WASHC3: variants seen among roughly 807,000 people sequenced by gnomAD.
The protein encoded by WASHC3 is WASH complex subunit 3, also known as WASH complex subunit CCDC53.
In WASHC3, 24 loss-of-function variants were observed where a neutral mutation model predicts 26.1. That is an observed-to-expected ratio of 0.92 (90% CI 0.66 to 1.29). The LOEUF is 1.29. Ranked by LOEUF, WASHC3 falls within the 50% of genes most tolerant of loss-of-function variation. WASHC3 has a pLI of 0.00. For synonymous variants in WASHC3, 77 were observed against 75.7 expected, an observed-to-expected ratio of 1.02 and a Z score of -0.09; for missense variants, 214 against 229.6, an observed-to-expected ratio of 0.93 and a Z score of 0.44.
intron 2 of WASHC3, among the ~76,000 whole-genome samples, chr12:102,049,558 G>GT (rs1172081499): frequency 6.7e-6 from 1 of 149,992 alleles, no homozygotes; most frequent in East Asian, 1.9e-4. Flanking sequence ...ATTTTATAAA[G>GT]TTAAAAAAAA....
chr12:102,043,637 A>T (rs762322815), intron 4 of WASHC3: 1 of 152,394 alleles, frequency 6.6e-6, no homozygotes, highest in Non-Finnish European at 1.5e-5. Context: ...AGAAAATGTC[A>T]AAACTTTTCA....
intron 2 of WASHC3, among the ~76,000 whole-genome samples, chr12:102,046,515 G>C (rs1348198349): frequency 6.6e-6 from 1 of 152,166 alleles, no homozygotes; most frequent in African/African-American, 2.4e-5. Flanking sequence ...GGATGGTCTT[G>C]ATCTCTTGAC....
chr12:102,061,255 C>G lies in WASHC3; in HGVS notation c.143G>C (p.Cys48Ser). 6.2e-7 allele frequency: 1 copy of G among 1,612,908 alleles called. No homozygotes were observed. Among genetic ancestry groups the G allele is most frequent in the Non-Finnish European group, 8.5e-7 (1 of 1,178,930 alleles). ...VQFLNRFSTV[C>S]EEKLADLSLR... Reference sequence around the variant, plus strand: ...CAGTATCACCGGACCTACCTCCTCACAAACTGTAGAAAAGCGGTTGAGGAA... The same window carrying G: ...CAGTATCACCGGACCTACCTCCTCAGAAACTGTAGAAAAGCGGTTGAGGAA... The change falls in exon 2 of 7, where the codon TGT becomes TCT. Residue 48 changes from cysteine to serine, a missense_variant. Physicochemically the swap from Cys to Ser is moderately radical, Grantham distance 112. Transcript: ENST00000240079.
At chr12:102,028,000 A>G (rs577532212) in intron 5 of WASHC3, among the ~76,000 whole-genome samples, 23 of 151,836 alleles carry the variant, frequency 1.5e-4, no homozygotes, top group Non-Finnish European at 2.9e-4. Flanking sequence ...GCAATTTTAA[A>G]GATATTCTGA....
chr12:102,043,912 G>T, intron 4 of WASHC3, 193 bp downstream of exon 4: 1 of 343,826 alleles, frequency 2.9e-6, no homozygotes, highest in Non-Finnish European at 5.3e-6. Context: ...TACAGGCAAA[G>T]AAAGTATTAA....
intron 5 of WASHC3, among the ~76,000 whole-genome samples, chr12:102,029,583 A>C (rs775369772): frequency 6.6e-6 from 1 of 152,208 alleles, no homozygotes. Context: ...ATCCTTTTAT[A>C]AACCATGTTG....
intron 6 of WASHC3, chr12:102,017,669 C>G (rs1311647928): frequency 1.2e-5 from 4 of 342,604 alleles, no homozygotes; most frequent in Non-Finnish European, 2.2e-5. Flanking sequence ...TTTAACCTTC[C>G]GAGGAACTGC....
chr12:102,050,260 A>G (rs1250619095), intron 2 of WASHC3: 1 of 453,798 alleles, frequency 2.2e-6, no homozygotes, highest in Non-Finnish European at 4.4e-6. Context: ...ACTCCACTAC[A>G]CTCCAGCATG....
chr12:102,030,293 C>T (rs1172310703), intron 5 of WASHC3, among the ~76,000 whole-genome samples: 1 of 104,952 alleles, frequency 9.5e-6, no homozygotes, highest in Non-Finnish European at 1.9e-5. Context: ...GAAACTCCAT[C>T]TCAAAAAAAA....
intron 5 of WASHC3, among the ~76,000 whole-genome samples, chr12:102,036,489 A>G (rs1303599918): frequency 1.3e-5 from 2 of 152,148 alleles, no homozygotes; most frequent in Non-Finnish European, 2.9e-5. Context: ...TTTAACTTGG[A>G]TGAACTTCTA....
intron 6 of WASHC3, among the ~76,000 whole-genome samples, chr12:102,016,943 A>T (rs1284791978): frequency 6.6e-6 from 1 of 152,200 alleles, no homozygotes; most frequent in Admixed American, 6.5e-5. Context: ...AATTTAGTGT[A>T]GTCTAAGTGT....
chr12:102,049,992 T>C (rs1214123628), intron 2 of WASHC3, among the ~76,000 whole-genome samples: 1 of 152,124 alleles, frequency 6.6e-6, no homozygotes, highest in African/African-American at 2.4e-5. Context: ...ATTTCAGAAT[T>C]TAAAAAAATT....
At chr12:102,030,050 C>T (rs1466510445) in intron 5 of WASHC3, among the ~76,000 whole-genome samples, 2 of 152,048 alleles carry the variant, frequency 1.3e-5, no homozygotes, top group Non-Finnish European at 2.9e-5. Context: ...AATCCCAGCA[C>T]TTTGGGAGGC....
chr12:102,051,461 A>G (rs537114272), intron 2 of WASHC3, among the ~76,000 whole-genome samples: 36 of 152,364 alleles, frequency 2.4e-4, no homozygotes, highest in African/African-American at 7.7e-4. Flanking sequence ...ATAAAAATAT[A>G]TTACATCAAA....
At chr12:102,045,147 T>TCATTGAGAACTGTTGACTGATAACCATA (rs1284396285) in intron 3 of WASHC3, among the ~76,000 whole-genome samples, 2 of 152,060 alleles carry the variant, frequency 1.3e-5, no homozygotes, top group Non-Finnish European at 2.9e-5. Context: ...GCAGCAATAC[T>TCATTGAGAACTGTTGACTGATAACCATA]CATTGAGAAC....
chr12:102,051,353 T>G (rs1878386652), intron 2 of WASHC3, among the ~76,000 whole-genome samples: 1 of 152,228 alleles, frequency 6.6e-6, no homozygotes, highest in African/African-American at 2.4e-5. Context: ...AGAGGCCTAT[T>G]AGGCACTATT....
chr12:102,050,188 C>A (rs1310978937), intron 2 of WASHC3: 1 of 381,332 alleles, frequency 2.6e-6, no homozygotes, highest in African/African-American at 2.2e-5. Flanking sequence ...GTGGCACGCA[C>A]CTGTAGTTCC....
At position 102,061,927 on chromosome 12, in the gene WASHC3, G is replaced by A; in HGVS notation, c.36C>T (p.Gly12=). The change falls in exon 1 of 7, where the codon GGC becomes GGT. Residue 12 remains glycine, a synonymous_variant. Transcript: ENST00000240079. ...DEDGLPLMGS[G]IDLTKVPAIQ... ...TTTTACAAACCTTGGTCAGGTCTAT[G>A]CCTGACCCCATGAGAGGAAGCCCGT... 1.2e-6 allele frequency: 2 copies of A among 1,600,538 alleles called. No homozygotes were observed. The highest frequency in any genetic ancestry group is 1.1e-5 in the South Asian group (1 of 88,692).
At chr12:102,054,403 C>A (rs1255867273) in intron 2 of WASHC3, among the ~76,000 whole-genome samples, 1 of 152,160 alleles carries the variant, frequency 6.6e-6, no homozygotes, top group African/African-American at 2.4e-5. Flanking sequence ...AAGAGCTCAG[C>A]ACAGTGGCTC....
Sources: allele counts gnomAD v4.1 joint callset (sites outside exome capture counted in the v4.1 genomes callset), GRCh38; gene constraint gnomAD v4.1.1; transcripts MANE v1.5; gene names NCBI Gene and HGNC (gene_info 2026-07-23, HGNC 2026-07-21).